IL23R: variants seen among roughly 807,000 people sequenced by gnomAD.
IL23R encodes the protein interleukin-23 receptor.
IL23R carries 34 observed loss-of-function variants against 56.9 expected under a neutral mutation model. The observed-to-expected ratio is 0.60, with a 90% confidence interval of 0.45 to 0.80. The LOEUF (loss-of-function observed/expected upper bound fraction) is 0.80, where lower values mean the gene tolerates loss of function less well. IL23R is among the 30% of genes least tolerant of loss of function. The pLI is 0.00. For missense variants in IL23R, 635 were observed against 730.0 expected, an observed-to-expected ratio of 0.87 and a Z score of 1.50; for synonymous variants, 230 against 249.2, an observed-to-expected ratio of 0.92 and a Z score of 0.73.
chr1:67,196,390 ATTAG>A (rs1648156549), intron 4 of IL23R: 2 of 152,152 alleles, frequency 1.3e-5, no homozygotes, highest in South Asian at 4.2e-4. Flanking sequence ...AAATAAAAAA[ATTAG>A]TTAGGCCTGG....
intron 5 of IL23R, among the ~76,000 whole-genome samples, chr1:67,204,226 G>A (rs1013960591): frequency 6.6e-6 from 1 of 152,006 alleles, no homozygotes; most frequent in Non-Finnish European, 1.5e-5. Flanking sequence ...ACCTCGCCCC[G>A]CTAATTTTTT....
intron 4 of IL23R, among the ~76,000 whole-genome samples, chr1:67,191,496 C>T (rs1647739866): frequency 1.3e-5 from 2 of 152,168 alleles, no homozygotes; most frequent in African/African-American, 4.8e-5. Flanking sequence ...TTGTCTCTGT[C>T]TTTACTGGAT....
chr1:67,164,266 T>G (rs761130864), upstream of IL23R, among the ~76,000 whole-genome samples: 5 of 152,022 alleles, frequency 3.3e-5, no homozygotes, highest in Admixed American at 6.6e-5. Context: ...GAGGCTGAGA[T>G]GGGCAGATCA....
In IL23R at chr1:67,200,784, A is replaced by G. The variant is rs1036802029; in HGVS notation, c.539A>G (p.Asn180Ser). ...EQQYLTSSYI[N>S]ISTDSLQGGK... ...CAGTATCTCACCTCAAGCTATATTA[A>G]CATCTCCACTGATTCATTACAAGGT... Residue 180 changes from asparagine (N) to serine (S), a missense_variant, in exon 5 of 11, where the codon AAC (asparagine) becomes AGC (serine). Transcript: ENST00000347310. 82 of 1,613,966 alleles carry G rather than the reference A, an allele frequency of 5.1e-5. No individual in the cohort carries two copies. The highest frequency in any genetic ancestry group is 6.6e-5 in the Non-Finnish European group (78 of 1,179,988).
In IL23R at chr1:67,153,990, G is replaced by A. The variant is rs546122257; in HGVS notation, c.-633-14102G>A. ...TCACCATGTTAGTCAGAATGGTCTCGATCTCCTGACCTCGTGATCTGCCCG... is the reference window on the plus strand; with the variant it reads ...TCACCATGTTAGTCAGAATGGTCTCAATCTCCTGACCTCGTGATCTGCCCG... On this transcript the variant is annotated intron_variant, in intron 1 of 10. Transcript: ENST00000637002. 1.4e-4 allele frequency among the ~76,000 whole-genome samples: 21 copies of A among 152,200 alleles called. No homozygotes were observed. The South Asian group carries it at 2.5e-3, about 18-fold the overall frequency.
chr1:67,169,678 G>C, intron 3 of IL23R, 40 bp downstream of exon 3: 1 of 1,566,160 alleles, frequency 6.4e-7, no homozygotes, highest in Non-Finnish European at 8.8e-7. Context: ...ACAAAAGCTA[G>C]TTTAACAATT....
intron 4 of IL23R, 111 bp downstream of exon 4, chr1:67,183,070 G>GATTTATCCCTT: frequency 8.4e-7 from 1 of 1,194,994 alleles, no homozygotes. Context: ...TATATACCCT[G>GATTTATCCCTT]ATTTATCCCT....
chr1:67,232,890 A>G (rs969644560), intron 7 of IL23R, among the ~76,000 whole-genome samples: 1 of 151,864 alleles, frequency 6.6e-6, no homozygotes, highest in Non-Finnish European at 1.5e-5. Flanking sequence ...AGTTCTCATG[A>G]GATATGATGG....
At chr1:67,256,445 A>C (rs918567416) in intron 10 of IL23R, among the ~76,000 whole-genome samples, 1 of 152,160 alleles carries the variant, frequency 6.6e-6, no homozygotes, top group African/African-American at 2.4e-5. Context: ...TGGCAAAGAG[A>C]AGGCCACACA....
chr1:67,212,389 G>A (rs1649536817), intron 6 of IL23R, among the ~76,000 whole-genome samples: 1 of 152,150 alleles, frequency 6.6e-6, no homozygotes, highest in Non-Finnish European at 1.5e-5. Flanking sequence ...AAGATTACAG[G>A]TCTCTTCTAC....
chr1:67,158,087 G>T (rs913301591), intron 1 of IL23R, among the ~76,000 whole-genome samples: 2 of 152,016 alleles, frequency 1.3e-5, no homozygotes, highest in African/African-American at 2.4e-5. Context: ...ATGATGGTGG[G>T]GGCCTGTAAT....
At chr1:67,190,902 A>T (rs771315791) in intron 4 of IL23R, among the ~76,000 whole-genome samples, 1 of 152,216 alleles carries the variant, frequency 6.6e-6, no homozygotes, top group Non-Finnish European at 1.5e-5. Context: ...CTCTACATGC[A>T]TATTTTTAAT....
At chr1:67,245,990 T>C (rs1449580944) in intron 9 of IL23R, among the ~76,000 whole-genome samples, 1 of 152,162 alleles carries the variant, frequency 6.6e-6, no homozygotes, top group Non-Finnish European at 1.5e-5. Flanking sequence ...ATTTCAGAAC[T>C]GGTTTTTGGT....
intron 9 of IL23R, among the ~76,000 whole-genome samples, chr1:67,244,076 T>C (rs1380633651): frequency 3.9e-5 from 6 of 152,222 alleles, no homozygotes; most frequent in Non-Finnish European, 8.8e-5. Context: ...ACGAGCTTTT[T>C]TTCATATGTT....
downstream of IL23R, among the ~76,000 whole-genome samples, chr1:67,260,148 C>T (rs1653156725): frequency 6.6e-6 from 1 of 151,462 alleles, no homozygotes; most frequent in Non-Finnish European, 1.5e-5. Flanking sequence ...TATTTTTTTC[C>T]CCTACTCTCC....
chr1:67,160,581 A>G (rs1487520324), intron 1 of IL23R, among the ~76,000 whole-genome samples: 1 of 152,264 alleles, frequency 6.6e-6, no homozygotes, highest in Admixed American at 6.5e-5. Flanking sequence ...AATCACTATT[A>G]GAATGCACAC....
At chr1:67,257,869 G>A (rs4655694) in intron 10 of IL23R, among the ~76,000 whole-genome samples, 136,722 of 152,012 alleles carry the variant, frequency 0.9, 61,661 homozygotes, top group East Asian at 0.99. Flanking sequence ...ACGCCTGGCT[G>A]ATTTTTGTAT....
intron 7 of IL23R, among the ~76,000 whole-genome samples, chr1:67,233,855 T>G (rs1452543811): frequency 3.7e-5 from 5 of 135,832 alleles, no homozygotes; most frequent in African/African-American, 1.3e-4. Flanking sequence ...TCATGAGGTT[T>G]TTTTTTTTTT....
At chr1:67,141,618 G>A (rs868532249) in intron 1 of IL23R, among the ~76,000 whole-genome samples, 3 of 152,050 alleles carry the variant, frequency 2.0e-5, no homozygotes, top group African/African-American at 7.2e-5. Flanking sequence ...AATTACCTGG[G>A]TGTAGTGATG....
Sources: gnomAD v4.1 joint callset for allele counts (sites outside exome capture counted in the v4.1 genomes callset) on GRCh38, gnomAD v4.1.1 for gene constraint, MANE v1.5 for transcripts, NCBI Gene and HGNC (gene_info 2026-07-23, HGNC 2026-07-21) for gene names.